The following CAMTA1 variants were observed in gnomAD, a reference collection of about 807,000 sequenced individuals.
CAMTA1 encodes the protein calmodulin-binding transcription activator 1.
CAMTA1 carries 27 observed loss-of-function variants against 170.9 expected under a neutral mutation model. That is an observed-to-expected ratio of 0.16 (90% CI 0.12 to 0.22). CAMTA1 has a LOEUF of 0.22. CAMTA1 is among the 10% of genes least tolerant of loss of function. The pLI is 1.00. For synonymous variants in CAMTA1, 833 were observed against 891.5 expected (o/e 0.93, Z 1.17); for missense variants, 1,619 against 2,217.2 (o/e 0.73, Z 5.42).
At chr1:6,926,701 CTCCT>C (rs1223364924) in intron 3 of CAMTA1, among the ~76,000 whole-genome samples, 1 of 145,222 alleles carries the variant, frequency 6.9e-6, no homozygotes, top group Non-Finnish European at 1.5e-5. Flanking sequence ...CCCTCCTTCT[CTCCT>C]TCCTTCCTTC....
chr1:7,515,652 A>G lies in CAMTA1; in HGVS notation c.510+47751A>G, dbSNP rs1280815383. 2.0e-5 allele frequency among the ~76,000 whole-genome samples: 3 copies of G among 152,040 alleles called. No individual in the cohort carries two copies. The East Asian group carries it at 5.8e-4, about 29-fold the overall frequency. The stretch of plus-strand genomic sequence containing the variant: ...CCCGGGCAGCTCATCTCGGAGCGAG[A>G]GGCACCAGTGAGCAAATCCAGAGTC... On this transcript the variant is annotated intron_variant, in intron 6 of 22. Transcript: ENST00000303635.
chr1:7,584,396 A>G (rs2095290426), intron 6 of CAMTA1, among the ~76,000 whole-genome samples: 1 of 151,898 alleles, frequency 6.6e-6, no homozygotes, highest in African/African-American at 2.4e-5. Flanking sequence ...CCAGGAGGAG[A>G]TGATGTGGAG....
chr1:6,974,364 T>A (rs943872024), intron 3 of CAMTA1, among the ~76,000 whole-genome samples: 24 of 152,208 alleles, frequency 1.6e-4, no homozygotes, highest in African/African-American at 5.8e-4. Flanking sequence ...TAATTCTGCT[T>A]TATGCAGACC....
chr1:7,447,309 G>A (rs189608073), intron 5 of CAMTA1, among the ~76,000 whole-genome samples: 249 of 152,092 alleles, frequency 1.6e-3, no homozygotes, highest in African/African-American at 5.6e-3. Flanking sequence ...TGGTAAACAC[G>A]TGGCACGCAT....
chr1:7,688,410 C>T (rs567983068), intron 11 of CAMTA1, among the ~76,000 whole-genome samples: 126 of 152,268 alleles, frequency 8.3e-4, no homozygotes, highest in African/African-American at 2.5e-3. Flanking sequence ...ACAGAGAGAC[C>T]GGTCAGGGAA....
chr1:7,698,419 G>C (rs559562411), intron 11 of CAMTA1: 2 of 152,498 alleles, frequency 1.3e-5, no homozygotes, highest in East Asian at 3.9e-4. Flanking sequence ...AGTCTAAACT[G>C]ATTTTACAGA....
intron 3 of CAMTA1, among the ~76,000 whole-genome samples, chr1:6,917,991 G>A (rs1261881513): frequency 1.3e-5 from 2 of 152,166 alleles, no homozygotes; most frequent in Non-Finnish European, 2.9e-5. Flanking sequence ...AGGTGTCCAT[G>A]CTGTCTGGGA....
chr1:7,378,689 C>T (rs2087034736), intron 5 of CAMTA1, among the ~76,000 whole-genome samples: 1 of 152,080 alleles, frequency 6.6e-6, no homozygotes, highest in African/African-American at 2.4e-5. Context: ...GATGGTTACA[C>T]AGCTGAGAAC....
intron 3 of CAMTA1, among the ~76,000 whole-genome samples, chr1:6,868,003 C>T (rs1265519042): frequency 6.6e-6 from 1 of 152,056 alleles, no homozygotes; most frequent in African/African-American, 2.4e-5. Flanking sequence ...ATGGGATCTC[C>T]CTATATTGCC....
chr1:7,556,794 G>A (rs1352637913), intron 6 of CAMTA1, among the ~76,000 whole-genome samples: 2 of 152,050 alleles, frequency 1.3e-5, no homozygotes, highest in Non-Finnish European at 2.9e-5. Flanking sequence ...CACTGCTTGG[G>A]CCTCTGTGGT....
chr1:7,500,720 G>C (rs947858138), intron 6 of CAMTA1, among the ~76,000 whole-genome samples: 1 of 152,142 alleles, frequency 6.6e-6, no homozygotes, highest in African/African-American at 2.4e-5. Context: ...GGCTGGCTCC[G>C]TCCAGATGGA....
rs538237197 is a variant in CAMTA1, at chr1:6,786,043, G to A, written c.45+468G>A. On this transcript the variant is annotated intron_variant, in intron 1 of 22. Transcript: ENST00000303635. ...CCCCGCGCCCCACTGCTCCGGGCCG[G>A]TCCCCGTCGGGCGGCAGCGGCCGGC... Among the ~76,000 whole-genome samples, 175 of 151,794 alleles carry A rather than the reference G, an allele frequency of 1.2e-3. 2 individuals carry two copies. The highest frequency in any genetic ancestry group is 4.1e-3 in the African/African-American group (169 of 41,482).
intron 2 of CAMTA1, among the ~76,000 whole-genome samples, chr1:6,823,603 A>T (rs1646773159): frequency 6.6e-6 from 1 of 152,190 alleles, no homozygotes; most frequent in Non-Finnish European, 1.5e-5. Context: ...TATATGATGT[A>T]GTAAATTTTT....
chr1:7,464,241 C>G (rs781574403), intron 5 of CAMTA1, among the ~76,000 whole-genome samples: 1 of 152,164 alleles, frequency 6.6e-6, no homozygotes, highest in Non-Finnish European at 1.5e-5. Context: ...CACACTCCCA[C>G]ACGCGTGTGC....
At chr1:7,115,569 T>G (rs76067320) in intron 4 of CAMTA1, among the ~76,000 whole-genome samples, 1 of 122,686 alleles carries the variant, frequency 8.2e-6, no homozygotes, top group African/African-American at 3.4e-5. Flanking sequence ...GCTGATGATG[T>G]TGTTCCAGTC....
At chr1:7,078,746 G>A (rs1639637611) in intron 3 of CAMTA1, among the ~76,000 whole-genome samples, 2 of 152,216 alleles carry the variant, frequency 1.3e-5, no homozygotes, top group Admixed American at 1.3e-4. Flanking sequence ...TAGGACTGTG[G>A]TTGCTAAGAG....
Position 7,482,571 on chromosome 1 carries a change from T to C in CAMTA1, c.510+14670T>C, listed in dbSNP as rs1390863899. Reference sequence around the variant, plus strand: ...AAACTGGCCTTAGCTTGGGCAGAACTAAAGCATCAGAGAGCCTTTGGAATG... The same window carrying C: ...AAACTGGCCTTAGCTTGGGCAGAACCAAAGCATCAGAGAGCCTTTGGAATG... On this transcript the variant is annotated intron_variant, in intron 6 of 22. Coordinates refer to ENST00000303635, the MANE Select transcript of CAMTA1 (RefSeq NM_015215.4). This position sits in a 1 kb window ranked among gnomAD's most constrained non-coding sequence, Gnocchi z 4.2. 1.3e-5 allele frequency among the ~76,000 whole-genome samples: 2 copies of C among 152,154 alleles called. No individual in the cohort carries two copies. Among genetic ancestry groups the C allele is most frequent in the Non-Finnish European group, 2.9e-5 (2 of 68,020 alleles).
At chr1:7,186,591 C>A (rs911555882) in intron 4 of CAMTA1, among the ~76,000 whole-genome samples, 2 of 152,182 alleles carry the variant, frequency 1.3e-5, no homozygotes, top group Non-Finnish European at 2.9e-5. Flanking sequence ...AGCTCTGACA[C>A]CCACCTGCTA....
intron 3 of CAMTA1, among the ~76,000 whole-genome samples, chr1:7,006,866 G>T (rs867758298): frequency 2.6e-5 from 4 of 152,094 alleles, no homozygotes. Context: ...TGGAGACCTT[G>T]TATGATTTCT....
Sources: allele counts gnomAD v4.1 joint callset (sites outside exome capture counted in the v4.1 genomes callset), GRCh38; gene constraint gnomAD v4.1.1; non-coding constraint Gnocchi (gnomAD v3.1); transcripts MANE v1.5; gene names NCBI Gene and HGNC (gene_info 2026-07-23, HGNC 2026-07-21).